ZNF827: variants seen among roughly 807,000 people sequenced by gnomAD.
The protein encoded by ZNF827 is zinc finger protein 827.
ZNF827 carries 13 observed loss-of-function variants against 102.4 expected under a neutral mutation model. That is an observed-to-expected ratio of 0.13 (90% CI 0.08 to 0.20). ZNF827 has a LOEUF of 0.20. Among genes scored for constraint, ZNF827 ranks in the 10% least tolerant of loss-of-function variants. The pLI, the probability that ZNF827 is intolerant of heterozygous loss-of-function variation, is 1.00. For missense variants in ZNF827, 1,103 were observed against 1,344.4 expected (o/e 0.82, Z 2.81); for synonymous variants, 523 against 536.2 (o/e 0.98, Z 0.34).
chr4:145,926,909 C>T (rs1425805670), intron 1 of ZNF827, among the ~76,000 whole-genome samples: 2 of 151,368 alleles, frequency 1.3e-5, no homozygotes, highest in Non-Finnish European at 2.9e-5. Flanking sequence ...TAGTAGCCAA[C>T]CCAAACCCTA....
chr4:145,908,013 A>G (rs1039466144), intron 1 of ZNF827, among the ~76,000 whole-genome samples: 3 of 152,224 alleles, frequency 2.0e-5, no homozygotes, highest in East Asian at 3.8e-4. Flanking sequence ...CAGTAACTTG[A>G]TATCTACAAC....
chr4:145,895,833 C>G (rs1308717002), intron 2 of ZNF827, among the ~76,000 whole-genome samples: 1 of 152,042 alleles, frequency 6.6e-6, no homozygotes, highest in South Asian at 2.1e-4. Flanking sequence ...AAAGTTAGAA[C>G]CTAAGGAAAG....
chr4:145,852,662 T>C (rs1182260053), intron 5 of ZNF827, among the ~76,000 whole-genome samples: 6 of 152,242 alleles, frequency 3.9e-5, no homozygotes, highest in African/African-American at 7.2e-5. Context: ...ATAATCTTTG[T>C]TGTGGGGGAC....
chr4:145,758,667 T>G lies in ZNF827; in HGVS notation c.*2949A>C, dbSNP rs954874962. 2.6e-5 allele frequency: 4 copies of G among 152,240 alleles called. No homozygotes were observed. The South Asian group carries it at 8.3e-4, about 32-fold the overall frequency. The allele number at this position is 152,240 out of a possible 1,614,324, so 9.4% of individuals were successfully genotyped here. A position where few individuals can be genotyped will look rare whatever the true frequency, so the allele number is the denominator to read the frequency against. ...ATTGTCCATAACTATCTATAGTGTCTTTTACTGAGACATTGACGTGGCGAG... is the reference window on the plus strand; with the variant it reads ...ATTGTCCATAACTATCTATAGTGTCGTTTACTGAGACATTGACGTGGCGAG... On this transcript the variant is annotated 3_prime_UTR_variant, in exon 15 of 15. Transcript: ENST00000508784.
chr4:145,764,737 G>A (rs11939704), intron 13 of ZNF827: 227,005 of 522,394 alleles, frequency 0.43, 54,264 homozygotes, highest in Non-Finnish European at 0.52. Flanking sequence ...TTGTTTCAAC[G>A]TGTCTTTTTT....
intron 8 of ZNF827, among the ~76,000 whole-genome samples, chr4:145,814,880 G>A (rs1342188143): frequency 6.6e-6 from 1 of 152,100 alleles, no homozygotes; most frequent in Non-Finnish European, 1.5e-5. Context: ...GGTGGAGGAT[G>A]CAGTCAGCTG....
chr4:145,802,613 C>T (rs373509414), intron 8 of ZNF827, among the ~76,000 whole-genome samples: 22 of 152,158 alleles, frequency 1.4e-4, no homozygotes, highest in African/African-American at 4.1e-4. Context: ...GGTTGTGACC[C>T]GCCAGCCGAT....
chr4:145,856,674 TACACACATAC>T (rs1440988109), intron 5 of ZNF827, among the ~76,000 whole-genome samples: 11 of 127,754 alleles, frequency 8.6e-5, no homozygotes, highest in South Asian at 2.5e-4. Context: ...TGACCTCCAG[TACACACATAC>T]ACACACACAC....
rs890567547 is a variant in ZNF827, at chr4:145,759,230, T to C, written c.*2386A>G. The C allele has an allele frequency of 2.0e-5, 3 of 152,228 alleles. No individual in the cohort carries two copies. Among genetic ancestry groups the C allele is most frequent in the Non-Finnish European group, 4.4e-5 (3 of 68,046 alleles). The allele number at this position is 152,228 out of a possible 1,614,324, so 9.4% of individuals were successfully genotyped here. A position where few individuals can be genotyped will look rare whatever the true frequency, so the allele number is the denominator to read the frequency against. ...CTTTCAGCCTGTTTCATACTGGAAA[T>C]TCTGTTGTTTTAAAAATACAAGCAA... On this transcript the variant is annotated 3_prime_UTR_variant, in exon 15 of 15. Transcript: ENST00000508784.
At chr4:145,860,037 TTC>T (rs1309787235) in intron 5 of ZNF827, among the ~76,000 whole-genome samples, 2 of 152,244 alleles carry the variant, frequency 1.3e-5, no homozygotes, top group African/African-American at 4.8e-5. Context: ...CCCAGCTTTC[TTC>T]TTTCTTCTTC....
At chr4:145,876,304 G>T (rs1749143001) in intron 4 of ZNF827, among the ~76,000 whole-genome samples, 1 of 152,218 alleles carries the variant, frequency 6.6e-6, no homozygotes, top group African/African-American at 2.4e-5. Context: ...ATATTTAACA[G>T]CATCCTTGGC....
chr4:145,912,870 C>T (rs1752388808), intron 1 of ZNF827, among the ~76,000 whole-genome samples: 1 of 152,204 alleles, frequency 6.6e-6, no homozygotes, highest in Admixed American at 6.5e-5. Flanking sequence ...GTTTGTGATA[C>T]TTTATTACAG....
Position 145,765,602 on chromosome 4 carries a change from G to A in ZNF827, c.2997C>T (p.Ile999=), listed in dbSNP as rs756583284. The A allele has an allele frequency of 1.9e-6, 3 of 1,614,122 alleles. No individual in the cohort carries two copies. In the South Asian group the frequency reaches 3.3e-5, roughly 18 times the overall value. ...KNKGGNNLLV[I]SVMPGSQPSL... is the part of the protein sequence containing the mutation. ...AGGGCTGGCTCCCAGGCATGACAGAGATGACCAGCAGATTGTTCCCGCCCT... is the reference window on the plus strand; with the variant it reads ...AGGGCTGGCTCCCAGGCATGACAGAAATGACCAGCAGATTGTTCCCGCCCT... The change falls in exon 12 of 15, where the codon ATC becomes ATT. Residue 999 remains isoleucine, a synonymous_variant. Transcript: ENST00000508784. This position sits in a 1 kb window ranked among gnomAD's most constrained non-coding sequence, Gnocchi z 4.7.
intron 7 of ZNF827, 136 bp from the exon 8 acceptor site, chr4:145,823,661 A>C (rs1305622171): frequency 1.6e-6 from 1 of 630,590 alleles, no homozygotes; most frequent in Non-Finnish European, 2.8e-6. Context: ...TGAATATAAG[A>C]AGATTGTGCT....
chr4:145,866,637 T>C (rs1748230048), intron 5 of ZNF827, among the ~76,000 whole-genome samples: 1 of 152,250 alleles, frequency 6.6e-6, no homozygotes, highest in African/African-American at 2.4e-5. Context: ...AATTTTTCAT[T>C]AATGTTTCTG....
intron 8 of ZNF827, among the ~76,000 whole-genome samples, chr4:145,790,566 C>A (rs972725026): frequency 1.3e-5 from 2 of 152,152 alleles, no homozygotes; most frequent in Admixed American, 6.5e-5. Context: ...ACAGTCATTT[C>A]CAGATATTAT....
intron 2 of ZNF827, among the ~76,000 whole-genome samples, chr4:145,899,720 A>C (rs1239470393): frequency 6.6e-6 from 1 of 152,190 alleles, no homozygotes; most frequent in Non-Finnish European, 1.5e-5. Flanking sequence ...TTTAAATAAA[A>C]TTACTCTGCT....
intron 5 of ZNF827, among the ~76,000 whole-genome samples, chr4:145,869,099 G>A (rs1336970073): frequency 3.9e-5 from 6 of 152,148 alleles, no homozygotes; most frequent in African/African-American, 1.4e-4. Flanking sequence ...GGAAGACAGA[G>A]CTATGATAAG....
At position 145,820,421 on chromosome 4, in the gene ZNF827, G is replaced by A. The variant is rs977748420; in HGVS notation, c.2383+3001C>T. On this transcript the variant is annotated intron_variant, in intron 8 of 14. Transcript: ENST00000508784. ...ATTTTTGCATTATCTGCTGAACAAA[G>A]ACGTTTGCTAAGTAAATAAAAGGTA... Among the ~76,000 whole-genome samples, 30 of 152,186 alleles carry A rather than the reference G, an allele frequency of 2.0e-4. 2 individuals are homozygous for A. The highest frequency in any genetic ancestry group is 1.8e-3 in the Admixed American group (28 of 15,276).
Sources: allele counts gnomAD v4.1 joint callset (sites outside exome capture counted in the v4.1 genomes callset), GRCh38; gene constraint gnomAD v4.1.1; non-coding constraint Gnocchi (gnomAD v3.1); transcripts MANE v1.5; gene names NCBI Gene and HGNC (gene_info 2026-07-23, HGNC 2026-07-21).